Variants in EYS observed in about 807,000 individuals in gnomAD.
EYS encodes the protein protein eyes shut homolog.
Under a neutral mutation model 282.1 loss-of-function variants are expected in EYS, and 250 were observed. That is an observed-to-expected ratio of 0.89 (90% CI 0.80 to 0.98). EYS has a LOEUF of 0.98. Among genes scored for constraint, EYS ranks in the 50% least tolerant of loss-of-function variants. The pLI is 0.00. For synonymous variants in EYS, 1,355 were observed against 1,282.9 expected (o/e 1.06, Z -1.20); for missense variants, 4,016 against 3,709.0 (o/e 1.08, Z -2.15).
intron 26 of EYS, among the ~76,000 whole-genome samples, chr6:64,490,779 G>A (rs1051162324): frequency 4.6e-5 from 7 of 150,740 alleles, no homozygotes; most frequent in African/African-American, 1.7e-4. Context: ...ACTGAGATTA[G>A]CATTAACCAC....
At chr6:65,658,457 TA>T (rs1767898742) in intron 1 of EYS, among the ~76,000 whole-genome samples, 1 of 151,728 alleles carries the variant, frequency 6.6e-6, no homozygotes, top group East Asian at 1.9e-4. Context: ...TCCATAAACT[TA>T]AAACTATTAT....
chr6:65,502,637 C>A (rs1766496891), intron 2 of EYS, among the ~76,000 whole-genome samples: 1 of 151,616 alleles, frequency 6.6e-6, no homozygotes, highest in Non-Finnish European at 1.5e-5. Context: ...GGATCCTATT[C>A]AGGCTACTAC....
At chr6:65,550,143 C>CTTTCTTTTTTTT (rs1562254227) in intron 2 of EYS, among the ~76,000 whole-genome samples, 8 of 5,952 alleles carry the variant, frequency 1.3e-3, no homozygotes, top group East Asian at 8.2e-3. Context: ...TCTACTATAT[C>CTTTCTTTTTTTT]TTTTTTTTTT....
intron 1 of EYS, among the ~76,000 whole-genome samples, chr6:65,696,789 G>A (rs72885867): frequency 1.5e-3 from 228 of 152,048 alleles, no homozygotes; most frequent in South Asian, 3.7e-3. Context: ...ACTTTGAAAT[G>A]TATTTTATGC....
At chr6:65,179,480 G>C (rs1043258434) in intron 12 of EYS, among the ~76,000 whole-genome samples, 1 of 152,018 alleles carries the variant, frequency 6.6e-6, no homozygotes. Context: ...TAAATTCCTC[G>C]ACACATACAT....
chr6:65,037,624 C>T (rs1160815313), intron 13 of EYS, among the ~76,000 whole-genome samples: 1 of 151,684 alleles, frequency 6.6e-6, no homozygotes, highest in Admixed American at 6.6e-5. Context: ...ATACAAAATA[C>T]ACATATGTGT....
chr6:64,865,319 G>T (rs1037656356), intron 19 of EYS, among the ~76,000 whole-genome samples: 2 of 151,970 alleles, frequency 1.3e-5, no homozygotes, highest in Non-Finnish European at 2.9e-5. Flanking sequence ...TCATATAATA[G>T]ATATTAAATC....
chr6:64,865,914 T>C (rs1766412225), intron 19 of EYS, among the ~76,000 whole-genome samples: 1 of 152,058 alleles, frequency 6.6e-6, no homozygotes, highest in Admixed American at 6.5e-5. Flanking sequence ...TCACATATGG[T>C]TCCAAGATTT....
rs1181124842 is a variant in EYS, at chr6:63,762,456, C to T, written c.8071+5G>A. 6.5e-7 allele frequency: 1 copy of T among 1,548,542 alleles called. No homozygotes were observed. Among genetic ancestry groups the T allele is most frequent in the Non-Finnish European group, 8.7e-7 (1 of 1,145,392 alleles). Reference sequence around the variant, plus strand: ...ACAGCAAAATGATTTGAAATTCTGCCTCACCTTGTTCACAGTAGATTCCAG... The same window carrying T: ...ACAGCAAAATGATTTGAAATTCTGCTTCACCTTGTTCACAGTAGATTCCAG... On this transcript the variant is annotated splice_donor_5th_base_variant and intron_variant, in intron 41 of 42. Transcript: ENST00000503581.
At chr6:64,578,597 T>TTGTG (rs144119735) in intron 26 of EYS, among the ~76,000 whole-genome samples, 2,683 of 147,988 alleles carry the variant, frequency 0.018, 76 homozygotes, top group African/African-American at 0.061. Flanking sequence ...CTCTCTCTCT[T>TTGTG]TGTGTGTGTG....
intron 2 of EYS, among the ~76,000 whole-genome samples, chr6:65,518,475 G>C (rs966477984): frequency 5.9e-5 from 9 of 151,864 alleles, no homozygotes; most frequent in Admixed American, 6.6e-5. Context: ...CATTAAAGAA[G>C]GAAATAGACA....
chr6:64,327,971 C>A (rs1471136264), intron 29 of EYS, among the ~76,000 whole-genome samples: 3 of 152,160 alleles, frequency 2.0e-5, no homozygotes, highest in African/African-American at 7.2e-5. Flanking sequence ...CGCCTTAGGT[C>A]AGGCCATGCC....
chr6:64,155,118 G>A (rs766684373), intron 31 of EYS, among the ~76,000 whole-genome samples: 5 of 152,104 alleles, frequency 3.3e-5, no homozygotes, highest in African/African-American at 9.6e-5. Context: ...TGAGAGAGGC[G>A]GTCTGTGAAG....
intron 26 of EYS, among the ~76,000 whole-genome samples, chr6:64,555,640 T>C (rs1765211885): frequency 6.6e-6 from 1 of 151,504 alleles, no homozygotes; most frequent in Non-Finnish European, 1.5e-5. Flanking sequence ...ATTTAAAAAA[T>C]ATATGTACAA....
chr6:64,789,601 T>C lies in EYS; in HGVS notation c.3443+23777A>G, dbSNP rs546799560. ...CCCTTCCTGATTCTGTGTTAGACAA[T>C]ATGTTCACATAATACTTTCCATTTA... is the stretch of plus-strand genomic sequence containing the variant. On this transcript the variant is annotated intron_variant, in intron 22 of 42. Transcript: ENST00000503581. 2.0e-5 allele frequency among the ~76,000 whole-genome samples: 3 copies of C among 152,260 alleles called. No individual in the cohort carries two copies. In the South Asian group the frequency reaches 6.2e-4, roughly 32 times the overall value.
rs987915164 is a variant in EYS, at chr6:63,720,731, A to C, written c.9300T>G (p.Thr3100=). ...FEYGRKVNIV[T]QEIFKTNFVG... ...CAAAATTGGTTTTAAAAATCTCTTG[A>C]GTAACGATATTTACCTTTCTACCAT... Residue 3100 remains threonine (T), a synonymous_variant, in exon 43 of 43, where the codon ACT becomes ACG. Transcript: ENST00000503581. The C allele has an allele frequency of 3.2e-6, 5 of 1,549,142 alleles. No homozygotes were observed. The highest frequency in any genetic ancestry group is 4.4e-6 in the Non-Finnish European group (5 of 1,145,878).
At chr6:65,666,764 C>T (rs905898531) in intron 1 of EYS, among the ~76,000 whole-genome samples, 3 of 151,058 alleles carry the variant, frequency 2.0e-5, no homozygotes, top group African/African-American at 7.3e-5. Context: ...TATCAGCATC[C>T]TATAGACATC....
At chr6:64,494,920 T>C (rs1029951053) in intron 26 of EYS, among the ~76,000 whole-genome samples, 125 of 151,710 alleles carry the variant, frequency 8.2e-4, no homozygotes, top group African/African-American at 2.8e-3. Context: ...TAAATATCTA[T>C]ATGATAATAC....
At position 65,598,241 on chromosome 6, in the gene EYS, C is replaced by A. The variant is rs1334842965; in HGVS notation, c.-333+41537G>T. Among the ~76,000 whole-genome samples, 25 of 81,340 alleles carry A rather than the reference C, an allele frequency of 3.1e-4. 1 individual carries two copies. The highest frequency in any genetic ancestry group is 1.4e-3 in the South Asian group (2 of 1,418). The allele number at this position is 81,340 out of a possible 152,430, so 53.4% of individuals were successfully genotyped here. A position where few individuals can be genotyped will look rare whatever the true frequency, so the allele number is the denominator to read the frequency against. On this transcript the variant is annotated intron_variant, in intron 2 of 42. Coordinates refer to ENST00000503581, the MANE Select transcript of EYS (RefSeq NM_001142800.2). ...GAGAAGACCCTCCTCCCCACCCACC[C>A]CCCCCCCAAAAAAAAAAACAAAAAC...
Sources: gnomAD v4.1 joint callset for allele counts (sites outside exome capture counted in the v4.1 genomes callset) on GRCh38, gnomAD v4.1.1 for gene constraint, MANE v1.5 for transcripts, NCBI Gene and HGNC (gene_info 2026-07-23, HGNC 2026-07-21) for gene names.